Variants in PRIM2 observed in about 807,000 individuals in gnomAD.
The protein encoded by PRIM2 is DNA primase large subunit.
Under a neutral mutation model 67.3 loss-of-function variants are expected in PRIM2, and 39 were observed. The ratio of observed to expected loss-of-function variants is 0.58; its 90% CI spans 0.45 to 0.76. The LOEUF (loss-of-function observed/expected upper bound fraction) is 0.76, where lower values mean the gene tolerates loss of function less well. Among genes scored for constraint, PRIM2 ranks in the 30% least tolerant of loss-of-function variants. PRIM2 has a pLI of 0.00. For synonymous variants in PRIM2, 143 were observed against 198.7 expected (o/e 0.72, Z 2.36); for missense variants, 398 against 598.7 (o/e 0.66, Z 3.50).
chr6:57,547,347 T>C (rs1775309725), intron 10 of PRIM2, among the ~76,000 whole-genome samples: 1 of 152,198 alleles, frequency 6.6e-6, no homozygotes, highest in Non-Finnish European at 1.5e-5. Context: ...TCCCAGATAG[T>C]GAGCATAGTA....
intron 11 of PRIM2, among the ~76,000 whole-genome samples, chr6:57,604,889 A>T (rs1776531670): frequency 6.6e-6 from 1 of 152,164 alleles, no homozygotes; most frequent in Non-Finnish European, 1.5e-5. Context: ...ACAGGGTTTC[A>T]CTGTGTTAGC....
chr6:57,591,673 G>T (rs1776283820), intron 10 of PRIM2, among the ~76,000 whole-genome samples: 1 of 152,122 alleles, frequency 6.6e-6, no homozygotes, highest in African/African-American at 2.4e-5. Flanking sequence ...AAAATTAATG[G>T]GTGATGGCGA....
the PRIM2 span, among the ~76,000 whole-genome samples, chr6:57,272,931 C>A: frequency 6.6e-6 from 1 of 152,154 alleles, no homozygotes; most frequent in African/African-American, 2.4e-5. Context: ...AAATTCTTTT[C>A]TTGAAGAATG....
chr6:57,295,823 C>T, the PRIM2 span, among the ~76,000 whole-genome samples: 1 of 152,064 alleles, frequency 6.6e-6, no homozygotes, highest in African/African-American at 2.4e-5. Context: ...CTCAGTTCTA[C>T]AACATATATC....
intron 10 of PRIM2, among the ~76,000 whole-genome samples, chr6:57,545,530 A>G (rs1420065865): frequency 1.3e-5 from 2 of 152,162 alleles, no homozygotes; most frequent in African/African-American, 4.8e-5. Flanking sequence ...TCCTGGGTTC[A>G]AGCTATTCTC....
intron 7 of PRIM2, among the ~76,000 whole-genome samples, chr6:57,415,949 C>T (rs1412586038): frequency 6.6e-6 from 1 of 152,112 alleles, no homozygotes; most frequent in Admixed American, 6.5e-5. Flanking sequence ...AAGACTTGAA[C>T]CCCTCAAAGT....
At chr6:57,536,798 C>A (rs1581976218) in intron 9 of PRIM2, among the ~76,000 whole-genome samples, 1 of 152,142 alleles carries the variant, frequency 6.6e-6, no homozygotes. Flanking sequence ...AGAACCAGAT[C>A]AGTGGTTGCC....
intron 10 of PRIM2, among the ~76,000 whole-genome samples, chr6:57,554,618 T>C (rs1320242391): frequency 6.6e-6 from 1 of 152,212 alleles, no homozygotes; most frequent in African/African-American, 2.4e-5. Context: ...GCAGGGATTC[T>C]ATCTTAAAGT....
At chr6:57,543,101 G>A (rs1321357859) in intron 10 of PRIM2, among the ~76,000 whole-genome samples, 7 of 148,340 alleles carry the variant, frequency 4.7e-5, no homozygotes, top group South Asian at 2.1e-4. Context: ...CACCTCGCCC[G>A]GCTAAGTTTT....
chr6:57,611,581 T>C (rs2127494383), intron 12 of PRIM2, among the ~76,000 whole-genome samples: 1 of 152,278 alleles, frequency 6.6e-6, no homozygotes, highest in African/African-American at 2.4e-5. Flanking sequence ...TCTAGAACAA[T>C]TGGATATCTA....
intron 12 of PRIM2, among the ~76,000 whole-genome samples, chr6:57,616,089 G>A (rs1776752004): frequency 6.6e-6 from 1 of 152,154 alleles, no homozygotes. Context: ...TGTAATCTCT[G>A]AATGCTATTA....
At position 57,530,218 on chromosome 6, in the gene PRIM2, A is replaced by T. The variant is rs1774856782; in HGVS notation, c.762-2193A>T. 2.0e-5 allele frequency among the ~76,000 whole-genome samples: 3 copies of T among 152,236 alleles called. No homozygotes were observed. The South Asian group carries it at 6.2e-4, about 32-fold the overall frequency. On this transcript the variant is annotated intron_variant, in intron 8 of 13. Transcript: ENST00000615550. ...CATCCAGAAAGTAAGTGGTTCTCAAAAAAAGGTGCTTTCAATTCAAGTTTA... is the reference window on the plus strand; with the variant it reads ...CATCCAGAAAGTAAGTGGTTCTCAATAAAAGGTGCTTTCAATTCAAGTTTA...
chr6:57,432,146 A>T (rs1771854310), intron 7 of PRIM2, among the ~76,000 whole-genome samples: 2 of 152,184 alleles, frequency 1.3e-5, no homozygotes, highest in African/African-American at 2.4e-5. Context: ...GTGACAGAGG[A>T]GGAAGTAAGA....
chr6:57,492,609 T>C (rs1554346095), intron 7 of PRIM2, among the ~76,000 whole-genome samples: 3 of 152,156 alleles, frequency 2.0e-5, no homozygotes, highest in Admixed American at 2.0e-4. Context: ...TTTAACCCAA[T>C]ATATTGCAAA....
At chr6:57,424,484 G>GT (rs1037841243) in intron 7 of PRIM2, among the ~76,000 whole-genome samples, 1 of 152,150 alleles carries the variant, frequency 6.6e-6, no homozygotes, top group Non-Finnish European at 1.5e-5. Flanking sequence ...GATAACATGA[G>GT]TAAGTGCTAA....
At chr6:57,345,492 G>GTT (rs2127296974) in intron 5 of PRIM2, among the ~76,000 whole-genome samples, 1 of 79,272 alleles carries the variant, frequency 1.3e-5, no homozygotes, top group African/African-American at 5.5e-5. Context: ...GTGTGTGTGT[G>GTT]TGTGTGTGTG....
At chr6:57,385,332 T>A (rs951458790) in intron 7 of PRIM2, among the ~76,000 whole-genome samples, 60 of 152,252 alleles carry the variant, frequency 3.9e-4, no homozygotes, top group Admixed American at 9.8e-4. Flanking sequence ...ACATACTTTT[T>A]AAAAAATTAA....
the PRIM2 span, among the ~76,000 whole-genome samples, chr6:57,309,348 A>T: frequency 3.1e-5 from 4 of 129,216 alleles, no homozygotes; most frequent in African/African-American, 1.2e-4. Flanking sequence ...TGTCCATGTG[A>T]TCTCATTGTT....
At chr6:57,284,403 G>T in the PRIM2 span, among the ~76,000 whole-genome samples, 1 of 152,188 alleles carries the variant, frequency 6.6e-6, no homozygotes, top group Non-Finnish European at 1.5e-5. Context: ...AGTTGAAGAT[G>T]TAGTCTATGT....
Sources: gnomAD v4.1 joint callset for allele counts (sites outside exome capture counted in the v4.1 genomes callset) on GRCh38, gnomAD v4.1.1 for gene constraint, MANE v1.5 for transcripts, NCBI Gene and HGNC (gene_info 2026-07-23, HGNC 2026-07-21) for gene names.